ZBTB43: variants seen among roughly 807,000 people sequenced by gnomAD.
The protein encoded by ZBTB43 is zinc finger and BTB domain-containing protein 43.
ZBTB43 carries 6 observed loss-of-function variants against 31.1 expected under a neutral mutation model. The ratio of observed to expected loss-of-function variants is 0.19; its 90% confidence interval spans 0.11 to 0.38. ZBTB43 has a LOEUF of 0.38. ZBTB43 is among the 10% of genes least tolerant of loss of function. The pLI is 1.00. For synonymous variants in ZBTB43, 212 were observed against 221.7 expected (o/e 0.96, Z 0.39); for missense variants, 379 against 602.1 (o/e 0.63, Z 3.88).
At position 126,833,036 on chromosome 9, in the gene ZBTB43, A is replaced by T; in HGVS notation, c.527A>T (p.Asn176Ile). ...GCCCAAGAACTGAGAGATGGTGAAA[A>T]TGAAGAGGAGAGCACCAAAGACGAG... ...PKAQELRDGENEEESTKDELS... is the reference protein window; with the variant it reads ...PKAQELRDGEIEEESTKDELS... Residue 176 changes from asparagine (N) to isoleucine (I), a missense_variant, in exon 3 of 3, where the codon AAT (asparagine) becomes ATT (isoleucine). Around this residue, in one of 5 missense-constraint regions of ZBTB43, gnomAD observed 253 missense variants for 322.3 expected, o/e 0.79. Transcript: ENST00000373464. This position sits in a 1 kb window ranked among gnomAD's most constrained non-coding sequence, Gnocchi z 7.9. 6.2e-7 allele frequency: 1 copy of T among 1,613,972 alleles called. No homozygotes were observed. Among genetic ancestry groups the T allele is most frequent in the Non-Finnish European group, 8.5e-7 (1 of 1,180,022 alleles).
intron 2 of ZBTB43, among the ~76,000 whole-genome samples, chr9:126,817,596 C>G (rs2032416745): frequency 6.6e-6 from 1 of 151,816 alleles, no homozygotes; most frequent in Non-Finnish European, 1.5e-5. Context: ...CTGCCTCAGC[C>G]TCCCGAGCAG....
chr9:126,814,950 TGA>T (rs1303573448), intron 2 of ZBTB43, among the ~76,000 whole-genome samples: 1 of 151,132 alleles, frequency 6.6e-6, no homozygotes, highest in Non-Finnish European at 1.5e-5. Flanking sequence ...GCATTGCTTC[TGA>T]GGTTCTCTGT....
chr9:126,831,793 A>C (rs1453575219), intron 2 of ZBTB43: 2 of 151,838 alleles, frequency 1.3e-5, no homozygotes, highest in East Asian at 1.9e-4. Context: ...TCTACTAAAA[A>C]TACAAAAAAA....
At chr9:126,821,393 A>G (rs1405691406) in intron 2 of ZBTB43, among the ~76,000 whole-genome samples, 1 of 152,076 alleles carries the variant, frequency 6.6e-6, no homozygotes, top group African/African-American at 2.4e-5. Context: ...AAAGAAAAAA[A>G]GAAACACAAA....
chr9:126,810,353 C>T (rs1200501454), intron 2 of ZBTB43, among the ~76,000 whole-genome samples: 1 of 151,900 alleles, frequency 6.6e-6, no homozygotes, highest in Non-Finnish European at 1.5e-5. Flanking sequence ...TGTCAGCATG[C>T]CCAGCTAATT....
intron 1 of ZBTB43, among the ~76,000 whole-genome samples, chr9:126,808,021 T>C (rs938572911): frequency 2.6e-5 from 4 of 152,200 alleles, no homozygotes; most frequent in African/African-American, 7.2e-5. Flanking sequence ...GGAAAAAATA[T>C]TTTTTAAAAT....
At chr9:126,808,611 T>C (rs1360893633) in intron 1 of ZBTB43, among the ~76,000 whole-genome samples, 182 bp from the exon 2 acceptor site, 2 of 152,208 alleles carry the variant, frequency 1.3e-5, no homozygotes, top group Non-Finnish European at 2.9e-5. Context: ...CAAAATAAGT[T>C]TGTTTTTTTA....
In ZBTB43 at chr9:126,825,872, G is replaced by A. The variant is rs147891178; in HGVS notation, c.-23-6615G>A. Among the ~76,000 whole-genome samples, 69 of 133,318 alleles carry A rather than the reference G, an allele frequency of 5.2e-4. 1 individual carries two copies. In the Middle Eastern group the frequency reaches 0.024, roughly 47 times the overall value. 87.5% of individuals were successfully genotyped at this position (133,318 alleles called of 152,430 possible). On this transcript the variant is annotated intron_variant, in intron 2 of 2. Coordinates refer to ENST00000373464, the MANE Select transcript of ZBTB43 (RefSeq NM_014007.4). ...TTTTTTTTTTTTTTTTTGAGATGGCGCATCACTCTGTCGCCCAGGCTGAAG... is the reference window on the plus strand; with the variant it reads ...TTTTTTTTTTTTTTTTTGAGATGGCACATCACTCTGTCGCCCAGGCTGAAG...
chr9:126,827,261 TTGTGGTAGG>T (rs1307203192), intron 2 of ZBTB43, among the ~76,000 whole-genome samples: 1 of 152,254 alleles, frequency 6.6e-6, no homozygotes, highest in Non-Finnish European at 1.5e-5. Context: ...GTTTTAAATC[TTGTGGTAGG>T]TGCCACCAGG....
intron 1 of ZBTB43, among the ~76,000 whole-genome samples, chr9:126,805,698 C>T (rs187551202): frequency 2.6e-3 from 397 of 152,338 alleles, no homozygotes; most frequent in Non-Finnish European, 4.6e-3. Flanking sequence ...TATCTGGATC[C>T]TGTTTTATAT....
rs1449721172 is a variant in ZBTB43 at position 126,835,806 on chromosome 9, A to G, written c.*1893A>G. 2 of 166,650 alleles carry G rather than the reference A, an allele frequency of 1.2e-5. No individual in the cohort carries two copies. Among genetic ancestry groups the G allele is most frequent in the Non-Finnish European group, 2.9e-5 (2 of 68,102 alleles). 10.3% of individuals were successfully genotyped at this position (166,650 alleles called of 1,614,324 possible). ...ATTAATAGCTTCTCTTAGTATTGAA[A>G]CGTTACTGGTTAGCAGTCTTTTCTC... On this transcript the variant is annotated 3_prime_UTR_variant, in exon 3 of 3. Transcript: ENST00000373464.
chr9:126,811,849 C>T (rs1158275599), intron 2 of ZBTB43, among the ~76,000 whole-genome samples: 1 of 152,236 alleles, frequency 6.6e-6, no homozygotes, highest in Admixed American at 6.5e-5. Flanking sequence ...TGGTCTCGAA[C>T]TCCCGACCTT....
chr9:126,836,330 GC>G lies in ZBTB43; in HGVS notation c.*2419del, dbSNP rs1455641179. Reference sequence around the variant, plus strand: ...TGAAGAGAAGAGTGTCTTCTTGAAAGCCTTATGTGTCCATCAGCTACTAAAT... The same window carrying G: ...TGAAGAGAAGAGTGTCTTCTTGAAAGCTTATGTGTCCATCAGCTACTAAAT... On this transcript the variant is annotated 3_prime_UTR_variant, in exon 3 of 3. Coordinates refer to ENST00000373464, the MANE Select transcript of ZBTB43 (RefSeq NM_014007.4). 1 of 167,042 alleles carries G rather than the reference GC, an allele frequency of 6.0e-6. No homozygotes were observed. Among genetic ancestry groups the G allele is most frequent in the Non-Finnish European group, 1.5e-5 (1 of 68,120 alleles). The allele number at this position is 167,042 out of a possible 1,614,324, so 10.3% of individuals were successfully genotyped here. A position where few individuals can be genotyped will look rare whatever the true frequency, so the allele number is the denominator to read the frequency against.
Position 126,838,152 on chromosome 9 carries a change from G to A in ZBTB43, c.*4239G>A, listed in dbSNP as rs1396414598. ...TGTTTAATATTTTCTTCTTATAGAA[G>A]AGATCATGCCCTTTTGTATGACATG... On this transcript the variant is annotated 3_prime_UTR_variant, in exon 3 of 3. Transcript: ENST00000373464. 6.0e-6 allele frequency: 1 copy of A among 165,600 alleles called. No individual in the cohort carries two copies. The highest frequency in any genetic ancestry group is 1.5e-5 in the Non-Finnish European group (1 of 68,116). The allele number at this position is 165,600 out of a possible 1,614,324, so 10.3% of individuals were successfully genotyped here.
intron 1 of ZBTB43, 21 bp from the exon 2 acceptor site, chr9:126,808,772 C>T (rs1388514087): frequency 6.6e-6 from 1 of 152,132 alleles, no homozygotes; most frequent in Admixed American, 6.5e-5. Context: ...TTTACATTTT[C>T]ACTGTTACTC....
At chr9:126,813,611 G>A (rs553823671) in intron 2 of ZBTB43, among the ~76,000 whole-genome samples, 24 of 152,242 alleles carry the variant, frequency 1.6e-4, no homozygotes, top group Admixed American at 1.3e-3. Flanking sequence ...GGATCTTGCC[G>A]TTAGTGTGAT....
At chr9:126,814,329 T>TAAATTTTACATCTGTAA (rs2032324078) in intron 2 of ZBTB43, among the ~76,000 whole-genome samples, 1 of 6,116 alleles carries the variant, frequency 1.6e-4, no homozygotes, top group East Asian at 3.3e-3. Context: ...CTGTAAAATG[T>TAAATTTTACATCTGTAA]AAATTTTACA....
chr9:126,832,916 A>C lies in ZBTB43; in HGVS notation c.407A>C (p.His136Pro), dbSNP rs773685519. 7 of 1,613,822 alleles carry C rather than the reference A, an allele frequency of 4.3e-6. No homozygotes were observed. Among genetic ancestry groups the C allele is most frequent in the Non-Finnish European group, 5.9e-6 (7 of 1,180,036 alleles). ...ACAGTCCTTTGTCAGAAGCTAAATC[A>C]TGGCAGTGACCACCAGTCACCAAGC... is the stretch of plus-strand genomic sequence containing the variant. Reference protein sequence around the residue: ...NPTVLCQKLNHGSDHQSPSSS... With the variant: ...NPTVLCQKLNPGSDHQSPSSS... The change falls in exon 3 of 3, where the codon CAT becomes CCT. Residue 136 changes from histidine to proline, a missense_variant. Physicochemically the swap from His to Pro is moderately conservative, Grantham distance 77 (BLOSUM62 -2). Transcript: ENST00000373464.
chr9:126,825,135 C>T (rs1187530173), intron 2 of ZBTB43, among the ~76,000 whole-genome samples: 2 of 152,028 alleles, frequency 1.3e-5, no homozygotes, highest in Non-Finnish European at 2.9e-5. Context: ...GAGACAGGTT[C>T]TCACTATGTT....
Sources: allele counts gnomAD v4.1 joint callset (sites outside exome capture counted in the v4.1 genomes callset), GRCh38; gene constraint gnomAD v4.1.1; regional missense constraint gnomAD v4.1.1; non-coding constraint Gnocchi (gnomAD v3.1); transcripts MANE v1.5; gene names NCBI Gene and HGNC (gene_info 2026-07-23, HGNC 2026-07-21).